The following RAP1GAP variants were observed in gnomAD, a reference collection of about 807,000 sequenced individuals.
RAP1GAP encodes rap1 GTPase-activating protein 1.
In RAP1GAP, 35 loss-of-function variants were observed where a neutral mutation model predicts 87.2. The ratio of observed to expected loss-of-function variants is 0.40; its 90% CI spans 0.31 to 0.53. The LOEUF (loss-of-function observed/expected upper bound fraction) is 0.53, where lower values mean the gene tolerates loss of function less well. RAP1GAP is among the 20% of genes least tolerant of loss of function. The pLI, the probability that RAP1GAP is intolerant of heterozygous loss-of-function variation, is 0.48. For missense variants in RAP1GAP, 734 were observed against 898.9 expected, an observed-to-expected ratio of 0.82 and a Z score of 2.35; for synonymous variants, 375 against 363.9, an observed-to-expected ratio of 1.03 and a Z score of -0.35.
chr1:21,603,329 C>T lies in RAP1GAP; in HGVS notation c.1429-416G>A, dbSNP rs994166916. On this transcript the variant is annotated intron_variant, in intron 18 of 24. Coordinates refer to ENST00000374765, the MANE Select transcript of RAP1GAP (RefSeq NM_002885.4). The surrounding 1 kb of genome is among the most constrained non-coding windows in gnomAD (Gnocchi z 6.0). ...AGCTAGGGCCCCTCCCCGGAACCTC[C>T]AAATTGGCTGGGGGAGGTTCTGGCC... 7 of 401,202 alleles carry T rather than the reference C, an allele frequency of 1.7e-5. No individual in the cohort carries two copies. Among genetic ancestry groups the T allele is most frequent in the Non-Finnish European group, 2.7e-5 (6 of 222,988 alleles). 24.9% of individuals were successfully genotyped at this position (401,202 alleles called of 1,614,324 possible).
chr1:21,608,269 C>T lies in RAP1GAP; in HGVS notation c.1240G>A (p.Asp414Asn). 1 of 1,614,142 alleles carries T rather than the reference C, an allele frequency of 6.2e-7. No individual in the cohort carries two copies. Among genetic ancestry groups the T allele is most frequent in the Middle Eastern group, 1.7e-4 (1 of 6,060 alleles). Residue 414 changes from aspartate to asparagine, a missense_variant, in exon 17 of 25, where the codon GAC becomes AAC. Physicochemically the swap from Asp to Asn is conservative, Grantham distance 23. Coordinates refer to ENST00000374765, the MANE Select transcript of RAP1GAP (RefSeq NM_002885.4). Reference sequence around the variant, plus strand: ...CTGCCATTCTCCATCTTGTCCTCGTCGCCGCCCAAGCCCATCATGGACTGG... The same window carrying T: ...CTGCCATTCTCCATCTTGTCCTCGTTGCCGCCCAAGCCCATCATGGACTGG... ...HSQSMMGLGG[D>N]EDKMENGSGG...
intron 13 of RAP1GAP, 71 bp from the exon 14 acceptor site, chr1:21,610,346 G>C: frequency 6.5e-7 from 1 of 1,540,018 alleles, no homozygotes; most frequent in Non-Finnish European, 8.9e-7. Flanking sequence ...TGCCCACGGG[G>C]GTTTAGGAGG....
intron 18 of RAP1GAP, among the ~76,000 whole-genome samples, chr1:21,604,561 G>T (rs2072336523): frequency 1.3e-5 from 2 of 152,088 alleles, no homozygotes; most frequent in Non-Finnish European, 2.9e-5. Flanking sequence ...TGTCCCTGGG[G>T]CCCCTCTCGG....
At chr1:21,619,416 A>T (rs189893048) in intron 4 of RAP1GAP, among the ~76,000 whole-genome samples, 1 of 150,624 alleles carries the variant, frequency 6.6e-6, no homozygotes, top group African/African-American at 2.4e-5. Context: ...AGAGAGGGGG[A>T]GGGAGAGGCA....
intron 7 of RAP1GAP, among the ~76,000 whole-genome samples, chr1:21,616,950 A>G (rs2082559160): frequency 6.6e-6 from 1 of 152,232 alleles, no homozygotes; most frequent in Admixed American, 6.5e-5. Flanking sequence ...GGTGGGTATC[A>G]TTACCACCAA....
chr1:21,669,133 T>G lies in RAP1GAP; in HGVS notation c.-149+121A>C. ...CCTGGAGACCCGGGTCCCCCACGCG[T>G]TCGCCCCCACCCTCCGTCCCCGCCC... On this transcript the variant is annotated intron_variant, in intron 1 of 24. Transcript: ENST00000374765. This position sits in a 1 kb window ranked among gnomAD's most constrained non-coding sequence, Gnocchi z 5.6. The G allele has an allele frequency of 1.0e-5, 11 of 1,073,912 alleles. No homozygotes were observed. Among genetic ancestry groups the G allele is most frequent in the Non-Finnish European group, 1.3e-5 (11 of 852,018 alleles). The allele number at this position is 1,073,912 out of a possible 1,614,324, so 66.5% of individuals were successfully genotyped here.
intron 18 of RAP1GAP, 85 bp from the exon 19 acceptor site, chr1:21,602,998 C>G (rs1180046984): frequency 1.0e-6 from 1 of 987,624 alleles, no homozygotes; most frequent in Non-Finnish European, 1.5e-6. Flanking sequence ...TCCTGCTGCC[C>G]CAGGCCCTGA....
Position 21,668,903 on chromosome 1 carries a change from C to T in RAP1GAP, c.-149+351G>A, listed in dbSNP as rs551605414. On this transcript the variant is annotated intron_variant, in intron 1 of 24. Coordinates refer to ENST00000374765, the MANE Select transcript of RAP1GAP (RefSeq NM_002885.4). This position sits in a 1 kb window ranked among gnomAD's most constrained non-coding sequence, Gnocchi z 6.2. ...GCGCCCACTTCCCACAGTCCCTCCT[C>T]TAAACCCCAGGCGCCCCCACCTCGA... Among the ~76,000 whole-genome samples, 1 of 151,840 alleles carries T rather than the reference C, an allele frequency of 6.6e-6. No individual in the cohort carries two copies. The highest frequency in any genetic ancestry group is 6.5e-5 in the Admixed American group (1 of 15,288).
In RAP1GAP at chr1:21,615,408, T is replaced by TC. The variant is rs1383217093; in HGVS notation, c.292-1320_292-1319insG. On this transcript the variant is annotated intron_variant, in intron 7 of 24. Coordinates refer to ENST00000374765, the MANE Select transcript of RAP1GAP (RefSeq NM_002885.4). This position sits in a 1 kb window ranked among gnomAD's most constrained non-coding sequence, Gnocchi z 4.5. The stretch of plus-strand genomic sequence containing the variant: ...GGACATGAAGCCTCTTCTTTTTTTT[T>TC]TGAGATGGAGTCTTGCTCTGTCGCC... 6.6e-6 allele frequency among the ~76,000 whole-genome samples: 1 copy of TC among 151,926 alleles called. No homozygotes were observed. The highest frequency in any genetic ancestry group is 1.5e-5 in the Non-Finnish European group (1 of 67,940).
At position 21,609,145 on chromosome 1, in the gene RAP1GAP, A is replaced by T. The variant is rs2076633322; in HGVS notation, c.1072-209T>A. Among the ~76,000 whole-genome samples, 1 of 152,126 alleles carries T rather than the reference A, an allele frequency of 6.6e-6. No individual in the cohort carries two copies. The highest frequency in any genetic ancestry group is 1.5e-5 in the Non-Finnish European group (1 of 68,016). On this transcript the variant is annotated intron_variant, in intron 15 of 24. Coordinates refer to ENST00000374765, the MANE Select transcript of RAP1GAP (RefSeq NM_002885.4). The surrounding 1 kb of genome is among the most constrained non-coding windows in gnomAD (Gnocchi z 4.4). The stretch of plus-strand genomic sequence containing the variant: ...GCCCCAGTGCCCTTCATGGCTGCCC[A>T]CGCCTTCGGGAGAGCAAACTCCACA...
chr1:21,659,096 G>T (rs1260798524), intron 1 of RAP1GAP, among the ~76,000 whole-genome samples: 1 of 152,002 alleles, frequency 6.6e-6, no homozygotes, highest in Non-Finnish European at 1.5e-5. Context: ...GTAGAGTCGG[G>T]GTTTTTCCAT....
intron 1 of RAP1GAP, among the ~76,000 whole-genome samples, chr1:21,661,427 A>G (rs1393119709): frequency 6.6e-6 from 1 of 152,200 alleles, no homozygotes; most frequent in Non-Finnish European, 1.5e-5. Flanking sequence ...ATGATGGCCT[A>G]CGTTGACTAT....
intron 11 of RAP1GAP, 73 bp from the exon 12 acceptor site, chr1:21,611,889 C>T: frequency 6.6e-7 from 1 of 1,520,870 alleles, no homozygotes; most frequent in Non-Finnish European, 9.1e-7. Context: ...TACTTGGACC[C>T]AGAGAGGGCC....
chr1:21,626,039 G>A (rs1011651949), intron 3 of RAP1GAP, among the ~76,000 whole-genome samples: 1 of 152,106 alleles, frequency 6.6e-6, no homozygotes, highest in Non-Finnish European at 1.5e-5. Flanking sequence ...GATAGCTGGG[G>A]GGCTGGTTTA....
At position 21,617,405 on chromosome 1, in the gene RAP1GAP, G is replaced by A; in HGVS notation, c.192C>T (p.Thr64=). 6.2e-7 allele frequency: 1 copy of A among 1,604,600 alleles called. No individual in the cohort carries two copies. Among genetic ancestry groups the A allele is most frequent in the Non-Finnish European group, 8.5e-7 (1 of 1,175,976 alleles). The part of the protein sequence containing the change: ...YWIEGTNHEI[T]SIPETEPLQS... The stretch of plus-strand genomic sequence containing the variant: ...GCAGTGGCTCTGTCTCGGGGATGCT[G>A]GTGATTTCGTGGTTGGTGCCCTCAA... The change falls in exon 7 of 25, where the codon ACC becomes ACT. Residue 64 remains threonine (T), a synonymous_variant. Coordinates refer to ENST00000374765, the MANE Select transcript of RAP1GAP (RefSeq NM_002885.4).
At chr1:21,620,314 C>T (rs546545696) in intron 3 of RAP1GAP, among the ~76,000 whole-genome samples, 7 of 152,314 alleles carry the variant, frequency 4.6e-5, no homozygotes, top group South Asian at 2.1e-4. Context: ...TGCTCCCTGA[C>T]GGGCTGCTAC....
intron 1 of RAP1GAP, among the ~76,000 whole-genome samples, chr1:21,666,810 A>C (rs2097366865): frequency 6.6e-6 from 1 of 152,036 alleles, no homozygotes; most frequent in African/African-American, 2.4e-5. Context: ...TTCTTCCTGC[A>C]TGCGCGTGTA....
chr1:21,597,766 C>A, intron 23 of RAP1GAP, 38 bp from the exon 24 acceptor site: 2 of 1,611,486 alleles, frequency 1.2e-6, no homozygotes, highest in Non-Finnish European at 1.7e-6. Context: ...GGTGGCAAGA[C>A]GGGAGAAGCA....
chr1:21,663,637 T>G (rs2097231103), intron 1 of RAP1GAP, among the ~76,000 whole-genome samples: 1 of 152,146 alleles, frequency 6.6e-6, no homozygotes, highest in Non-Finnish European at 1.5e-5. Context: ...AGGGCTGTCC[T>G]CTGAGCAGGG....
Sources: gnomAD v4.1 joint callset for allele counts (sites outside exome capture counted in the v4.1 genomes callset) on GRCh38, gnomAD v4.1.1 for gene constraint, Gnocchi (gnomAD v3.1) non-coding constraint, MANE v1.5 for transcripts, NCBI Gene and HGNC (gene_info 2026-07-23, HGNC 2026-07-21) for gene names.